The following PRKAG2 variants were observed in gnomAD, a reference collection of about 807,000 sequenced individuals.
PRKAG2 encodes protein kinase AMP-activated non-catalytic subunit gamma 2.
Under a neutral mutation model 69.6 loss-of-function variants are expected in PRKAG2, and 26 were observed. The ratio of observed to expected loss-of-function variants is 0.37; its 90% CI spans 0.27 to 0.52. PRKAG2 has a LOEUF of 0.52. Among genes scored for constraint, PRKAG2 ranks in the 20% least tolerant of loss-of-function variants. The pLI, the probability that PRKAG2 is intolerant of heterozygous loss-of-function variation, is 0.90. For missense variants in PRKAG2, 557 were observed against 740.0 expected, an observed-to-expected ratio of 0.75 and a Z score of 2.87; for synonymous variants, 293 against 285.0, an observed-to-expected ratio of 1.03 and a Z score of -0.28.
chr7:151,866,019 CA>C (rs61697386), intron 1 of PRKAG2, among the ~76,000 whole-genome samples: 3,455 of 95,694 alleles, frequency 0.036, 63 homozygotes, highest in African/African-American at 0.12. Context: ...GACTCTGTCT[CA>C]AAAAAAAAAA....
chr7:151,746,672 G>C (rs1325963428), intron 3 of PRKAG2, among the ~76,000 whole-genome samples: 2 of 152,230 alleles, frequency 1.3e-5, no homozygotes, highest in Non-Finnish European at 2.9e-5. Context: ...GGAAAGCCTG[G>C]GTGAGGACTG....
intron 3 of PRKAG2, among the ~76,000 whole-genome samples, chr7:151,767,898 T>A (rs2075823249): frequency 1.3e-5 from 2 of 152,210 alleles, no homozygotes; most frequent in South Asian, 2.1e-4. Flanking sequence ...GCCCAGAGAT[T>A]CTCATTTCTC....
intron 3 of PRKAG2, among the ~76,000 whole-genome samples, chr7:151,677,012 G>A (rs2727538): frequency 0.48 from 72,405 of 151,998 alleles, 17,555 homozygotes; most frequent in Admixed American, 0.56. Context: ...AGAGCGTGGC[G>A]CTGCCAACAC....
chr7:151,562,466 T>TAAC (rs1805279855), intron 14 of PRKAG2, among the ~76,000 whole-genome samples: 1 of 63,052 alleles, frequency 1.6e-5, no homozygotes. Flanking sequence ...TGCTTTAGGT[T>TAAC]AATAATAATA....
At chr7:151,628,409 C>T (rs531834414) in intron 5 of PRKAG2, among the ~76,000 whole-genome samples, 1 of 152,286 alleles carries the variant, frequency 6.6e-6, no homozygotes, top group East Asian at 1.9e-4. Context: ...ATGTAAAAAG[C>T]AAACACAGAA....
intron 1 of PRKAG2, among the ~76,000 whole-genome samples, chr7:151,841,115 G>C (rs1014400537): frequency 3.3e-5 from 5 of 152,212 alleles, no homozygotes; most frequent in African/African-American, 9.6e-5. Flanking sequence ...TGCCTCCTGA[G>C]TAGCTGGGAC....
At chr7:151,673,192 G>A (rs182577871) in intron 4 of PRKAG2, among the ~76,000 whole-genome samples, 3 of 152,282 alleles carry the variant, frequency 2.0e-5, no homozygotes, top group East Asian at 3.9e-4. Flanking sequence ...GTCTGTGTCT[G>A]TCACTATCCC....
At chr7:151,809,447 A>G (rs1468518298) in intron 1 of PRKAG2, 1 of 348,286 alleles carries the variant, frequency 2.9e-6, no homozygotes, top group Non-Finnish European at 5.7e-6. Flanking sequence ...GGGTCCTCCC[A>G]CCAGTCTTCT....
At chr7:151,815,195 T>A (rs2078605712) in intron 1 of PRKAG2, among the ~76,000 whole-genome samples, 1 of 151,740 alleles carries the variant, frequency 6.6e-6, no homozygotes, top group African/African-American at 2.4e-5. Flanking sequence ...TTCCCCCAAC[T>A]CCAACCAGAC....
At chr7:151,598,737 C>A (rs1040297141) in intron 5 of PRKAG2, among the ~76,000 whole-genome samples, 2 of 152,094 alleles carry the variant, frequency 1.3e-5, no homozygotes, top group Non-Finnish European at 2.9e-5. Context: ...TATGGAAATA[C>A]GGACTTACAC....
chr7:151,748,628 C>A (rs1367933028), intron 3 of PRKAG2, among the ~76,000 whole-genome samples: 3 of 151,666 alleles, frequency 2.0e-5, no homozygotes, highest in Admixed American at 6.6e-5. Context: ...TTTAACCATG[C>A]GATTGAACTA....
intron 1 of PRKAG2, among the ~76,000 whole-genome samples, chr7:151,798,971 T>A (rs1207106529): frequency 3.3e-5 from 5 of 152,046 alleles, no homozygotes; most frequent in Non-Finnish European, 7.4e-5. Context: ...CTTGGCCTCA[T>A]CCCCAGGCCA....
At chr7:151,684,440 G>A (rs189716942) in intron 3 of PRKAG2, among the ~76,000 whole-genome samples, 1 of 152,342 alleles carries the variant, frequency 6.6e-6, no homozygotes, top group African/African-American at 2.4e-5. Context: ...CCTCAGAGGA[G>A]TCAGCTCAGA....
intron 3 of PRKAG2, among the ~76,000 whole-genome samples, chr7:151,713,419 C>T (rs574776033): frequency 6.6e-6 from 1 of 152,272 alleles, no homozygotes; most frequent in South Asian, 2.1e-4. Context: ...TATGGTACCA[C>T]AGCTCACACA....
At chr7:151,672,022 CTT>C (rs1237478124) in intron 4 of PRKAG2, among the ~76,000 whole-genome samples, 14 of 141,126 alleles carry the variant, frequency 9.9e-5, no homozygotes, top group Non-Finnish European at 9.3e-5. Context: ...ACCATTTGAA[CTT>C]TTTTTTTTTT....
chr7:151,818,000 G>A (rs2151861257), intron 1 of PRKAG2, among the ~76,000 whole-genome samples: 1 of 152,284 alleles, frequency 6.6e-6, no homozygotes, highest in East Asian at 1.9e-4. Flanking sequence ...CACAAGTTGA[G>A]AGTCCCCCTT....
chr7:151,675,135 G>C, intron 4 of PRKAG2: 1 of 401,156 alleles, frequency 2.5e-6, no homozygotes, highest in Non-Finnish European at 4.8e-6. Context: ...TGGCCAGGCT[G>C]GTCTCGAACT....
In PRKAG2 at chr7:151,692,651, C is replaced by T. The variant is rs10452851; in HGVS notation, c.467-17014G>A. ...TTACAACAGTGCCCTAACATGAGTT[C>T]GGGGGGGTTGTCTCTGCAATGGGGG... On this transcript the variant is annotated intron_variant, in intron 3 of 15. Coordinates refer to ENST00000287878, the MANE Select transcript of PRKAG2 (RefSeq NM_016203.4). Among the ~76,000 whole-genome samples, 369 of 152,006 alleles carry T rather than the reference C, an allele frequency of 2.4e-3. 4 individuals are homozygous for T. Among genetic ancestry groups the T allele is most frequent in the African/African-American group, 7.8e-3 (323 of 41,438 alleles).
At chr7:151,805,033 T>G (rs2078032687) in intron 1 of PRKAG2, among the ~76,000 whole-genome samples, 1 of 152,156 alleles carries the variant, frequency 6.6e-6, no homozygotes, top group Admixed American at 6.5e-5. Context: ...GGACAGCCAC[T>G]AGGAATGTGG....
Sources: allele counts gnomAD v4.1 joint callset (sites outside exome capture counted in the v4.1 genomes callset), GRCh38; gene constraint gnomAD v4.1.1; transcripts MANE v1.5; gene names NCBI Gene and HGNC (gene_info 2026-07-23, HGNC 2026-07-21).